Variants in MET observed in about 807,000 individuals in gnomAD.
MET encodes MET proto-oncogene, receptor tyrosine kinase.
Under a neutral mutation model 133.1 loss-of-function variants are expected in MET, and 48 were observed. The observed-to-expected ratio is 0.36, with a 90% CI of 0.29 to 0.46. MET has a LOEUF of 0.46. Among genes scored for constraint, MET ranks in the 20% least tolerant of loss-of-function variants. The pLI is 1.00. For synonymous variants in MET, 628 were observed against 616.5 expected, an observed-to-expected ratio of 1.02 and a Z score of -0.28; for missense variants, 1,442 against 1,695.9, an observed-to-expected ratio of 0.85 and a Z score of 2.63.
intron 1 of MET, among the ~76,000 whole-genome samples, chr7:116,675,245 G>C (rs143608767): frequency 1.6e-3 from 243 of 152,274 alleles, no homozygotes; most frequent in African/African-American, 5.7e-3. Context: ...TATCATATGT[G>C]CTAGGTACTA....
chr7:116,702,904 A>C (rs1194620846), intron 2 of MET, among the ~76,000 whole-genome samples: 1 of 152,086 alleles, frequency 6.6e-6, no homozygotes, highest in Non-Finnish European at 1.5e-5. Flanking sequence ...CGGGCCTTTT[A>C]CATTTTAGGG....
chr7:116,792,431 A>C (rs1243466614), intron 19 of MET, among the ~76,000 whole-genome samples: 137 of 98,684 alleles, frequency 1.4e-3, no homozygotes, highest in Admixed American at 2.4e-3. Flanking sequence ...CCCTCCCCTC[A>C]CCCCCGACCC....
At chr7:116,676,139 A>G (rs939324967) in intron 1 of MET, among the ~76,000 whole-genome samples, 3 of 152,212 alleles carry the variant, frequency 2.0e-5, no homozygotes, top group African/African-American at 7.2e-5. Context: ...GTAATCACAT[A>G]CCCAGGTACA....
rs557191629 is a variant in MET, at chr7:116,793,886, G to A, written c.3799-1769G>A. ...TTCACTCCAGCCTGGGCAAAAGAGCGAAACTCCATCTCAAAAAATAAAAAA... is the reference window on the plus strand; with the variant it reads ...TTCACTCCAGCCTGGGCAAAAGAGCAAAACTCCATCTCAAAAAATAAAAAA... On this transcript the variant is annotated intron_variant, in intron 19 of 20. Coordinates refer to ENST00000397752, the MANE Select transcript of MET (RefSeq NM_000245.4). Among the ~76,000 whole-genome samples, 16 of 152,040 alleles carry A rather than the reference G, an allele frequency of 1.1e-4. No homozygotes were observed. The East Asian group carries it at 2.5e-3, about 24-fold the overall frequency.
At chr7:116,739,798 A>T (rs35017174) in intron 3 of MET, 152 bp from the exon 4 acceptor site, 52 of 1,061,400 alleles carry the variant, frequency 4.9e-5, no homozygotes, top group African/African-American at 4.8e-4. Context: ...AGAAGATGAC[A>T]TATTGATTTA....
chr7:116,776,192 G>A (rs1440464907), intron 15 of MET, among the ~76,000 whole-genome samples: 1 of 152,138 alleles, frequency 6.6e-6, no homozygotes. Flanking sequence ...AGCTGATGGC[G>A]TGATTTCCCT....
At chr7:116,691,503 G>A (rs150432528) in intron 1 of MET, among the ~76,000 whole-genome samples, 63 of 152,216 alleles carry the variant, frequency 4.1e-4, no homozygotes, top group African/African-American at 1.5e-3. Context: ...AGGAATGAAA[G>A]AATCATTTTT....
In MET at chr7:116,795,804, T is replaced by C. The variant is rs771636506; in HGVS notation, c.3935+13T>C. The C allele has an allele frequency of 6.2e-7, 1 of 1,614,204 alleles. No homozygotes were observed. The highest frequency in any genetic ancestry group is 1.1e-5 in the South Asian group (1 of 91,088). The stretch of plus-strand genomic sequence containing the variant: ...GCCCAGACCCCTTGTAAGTAGTCTT[T>C]CTGTACCTCTTACGTTCTTTACTTT... On this transcript the variant is annotated intron_variant, in intron 20 of 20. Transcript: ENST00000397752.
chr7:116,695,414 C>A (rs375127375), intron 1 of MET, among the ~76,000 whole-genome samples: 1 of 152,178 alleles, frequency 6.6e-6, no homozygotes, highest in Non-Finnish European at 1.5e-5. Flanking sequence ...TATATATACT[C>A]TATATTGATC....
Position 116,740,917 on chromosome 7 carries a change from T to G in MET, c.1593T>G (p.Ser531=). The change falls in exon 5 of 21, where the codon TCT becomes TCG. Residue 531 remains serine, a synonymous_variant. Transcript: ENST00000397752. ...RHFQSCSQCL[S]APPFVQCGWC... The stretch of plus-strand genomic sequence containing the variant: ...TCCAGTCCTGCAGTCAATGCCTCTC[T>G]GCCCCACCCTTTGTTCAGTGTGGCT... 1 of 1,614,226 alleles carries G rather than the reference T, an allele frequency of 6.2e-7. No individual in the cohort carries two copies.
chr7:116,775,998 G>A (rs1299041988), intron 15 of MET, among the ~76,000 whole-genome samples: 1 of 151,468 alleles, frequency 6.6e-6, no homozygotes, highest in Non-Finnish European at 1.5e-5. Context: ...AGCATAAACA[G>A]TATTTGTGGA....
chr7:116,741,185 G>A, intron 5 of MET, 160 bp downstream of exon 5: 1 of 813,274 alleles, frequency 1.2e-6, no homozygotes, highest in Non-Finnish European at 1.9e-6. Context: ...ATCAGCTAAA[G>A]CACCATCTCT....
intron 1 of MET, among the ~76,000 whole-genome samples, chr7:116,675,561 A>G (rs749435032): frequency 6.6e-6 from 1 of 152,202 alleles, no homozygotes; most frequent in Non-Finnish European, 1.5e-5. Context: ...TATGTTATAG[A>G]CAAGGAAACT....
At chr7:116,718,132 T>G (rs1413587945) in intron 2 of MET, among the ~76,000 whole-genome samples, 2 of 152,170 alleles carry the variant, frequency 1.3e-5, no homozygotes, top group African/African-American at 4.8e-5. Context: ...CTCACACCTG[T>G]AATCCCAGCA....
chr7:116,713,390 G>A (rs1216794136), intron 2 of MET, among the ~76,000 whole-genome samples: 3 of 143,454 alleles, frequency 2.1e-5, no homozygotes, highest in African/African-American at 8.2e-5. Flanking sequence ...GCGAGACTCC[G>A]TCTCAAAAAA....
intron 2 of MET, among the ~76,000 whole-genome samples, chr7:116,710,328 CA>C (rs1411127306): frequency 6.6e-6 from 1 of 152,052 alleles, no homozygotes. Flanking sequence ...TAATTAATTT[CA>C]AAAGGTCAAA....
intron 1 of MET, among the ~76,000 whole-genome samples, chr7:116,684,213 C>T (rs1171296287): frequency 1.3e-5 from 2 of 152,198 alleles, no homozygotes; most frequent in African/African-American, 2.4e-5. Flanking sequence ...AATCAAAATC[C>T]ATATTGAATA....
Position 116,763,211 on chromosome 7 carries a change from G to A in MET, c.2526G>A (p.Lys842=), listed in dbSNP as rs2116956581. 1 of 1,613,910 alleles carries A rather than the reference G, an allele frequency of 6.2e-7. No homozygotes were observed. Residue 842 remains lysine, a synonymous_variant, in exon 11 of 21, where the codon AAG becomes AAA. Transcript: ENST00000397752. ...DLIYVHNPVF[K]PFEKPVMISM... ...TTTATGTACATAATCCTGTGTTTAA[G>A]CCTTTTGAAAAGCCAGTGATGATCT...
intron 3 of MET, among the ~76,000 whole-genome samples, chr7:116,736,776 T>C (rs1793231200): frequency 6.6e-6 from 1 of 152,228 alleles, no homozygotes; most frequent in Non-Finnish European, 1.5e-5. Flanking sequence ...TACTAAAGAT[T>C]AGTTGTTGAA....
Sources: allele counts gnomAD v4.1 joint callset (sites outside exome capture counted in the v4.1 genomes callset), GRCh38; gene constraint gnomAD v4.1.1; transcripts MANE v1.5; gene names NCBI Gene and HGNC (gene_info 2026-07-23, HGNC 2026-07-21).